The following KMT5B variants were observed in gnomAD, a reference collection of about 807,000 sequenced individuals.
KMT5B encodes the protein lysine methyltransferase 5B.
Under a neutral mutation model 83.2 loss-of-function variants are expected in KMT5B, and 10 were observed. The ratio of observed to expected loss-of-function variants is 0.12; its 90% CI spans 0.07 to 0.20. KMT5B has a LOEUF of 0.20. Ranked by LOEUF, KMT5B falls within the 10% of genes least tolerant of loss-of-function variation. The pLI is 1.00. For missense variants in KMT5B, 753 were observed against 1,067.2 expected (o/e 0.71, Z 4.10); for synonymous variants, 349 against 388.8 (o/e 0.90, Z 1.20).
At chr11:68,170,528 G>C (rs578060814) in intron 9 of KMT5B, among the ~76,000 whole-genome samples, 8 of 152,294 alleles carry the variant, frequency 5.3e-5, no homozygotes, top group Middle Eastern at 3.4e-3. Flanking sequence ...TTTCTGTAAA[G>C]ACTCCAGGAC....
intron 1 of KMT5B, among the ~76,000 whole-genome samples, chr11:68,209,673 A>G (rs1565268430): frequency 2.6e-5 from 4 of 152,168 alleles, no homozygotes; most frequent in Admixed American, 6.5e-5. Context: ...TATTAGCACT[A>G]CAACAAGGAG....
At chr11:68,183,074 A>G (rs761020760) in intron 3 of KMT5B, among the ~76,000 whole-genome samples, 2 of 152,106 alleles carry the variant, frequency 1.3e-5, no homozygotes, top group Non-Finnish European at 2.9e-5. Flanking sequence ...ATATGCTTCC[A>G]TATCTTGGTA....
intron 1 of KMT5B, among the ~76,000 whole-genome samples, chr11:68,196,557 TA>T (rs201724866): frequency 0.012 from 1,881 of 150,700 alleles, 39 homozygotes; most frequent in African/African-American, 0.04. Flanking sequence ...ATTTCTGCAT[TA>T]AAAAAAACTG....
chr11:68,182,423 G>A (rs537933258), intron 3 of KMT5B, among the ~76,000 whole-genome samples: 67 of 152,268 alleles, frequency 4.4e-4, no homozygotes, highest in South Asian at 8.3e-4. Context: ...ATTATAAGAA[G>A]CAATGGTATA....
rs1334354509 is a variant in KMT5B, at chr11:68,171,317, G to A, written c.821-66C>T. 2.8e-5 allele frequency: 44 copies of A among 1,561,454 alleles called. No individual in the cohort carries two copies. The highest frequency in any genetic ancestry group is 3.9e-5 in the Non-Finnish European group (44 of 1,141,514). On this transcript the variant is annotated intron_variant, in intron 7 of 10. Transcript: ENST00000304363. The surrounding 1 kb of genome is among the most constrained non-coding windows in gnomAD (Gnocchi z 5.1). ...AAGATCTGAAACACGAACAATTATA[G>A]AAATCTGAAATAAGCTTTCCATATA...
In KMT5B at chr11:68,201,205, C is replaced by G. The variant is rs141358483; in HGVS notation, c.-76-11053G>C. ...CACCACCACCAGCACCACCACAATG[C>G]ATTCCAAATCACCAGTGCTACCGTT... On this transcript the variant is annotated intron_variant, in intron 1 of 10. Coordinates refer to ENST00000304363, the MANE Select transcript of KMT5B (RefSeq NM_017635.5). Among the ~76,000 whole-genome samples the G allele has an allele frequency of 2.5e-4, 38 of 152,350 alleles. 1 individual carries two copies. The highest frequency in any genetic ancestry group is 8.4e-4 in the African/African-American group (35 of 41,570).
chr11:68,212,221 C>T (rs891053995), intron 1 of KMT5B, among the ~76,000 whole-genome samples: 2 of 152,204 alleles, frequency 1.3e-5, no homozygotes, highest in Admixed American at 1.3e-4. Context: ...CTCAACTACA[C>T]TTTATATCAA....
intron 10 of KMT5B, among the ~76,000 whole-genome samples, chr11:68,164,066 G>A (rs1855087364): frequency 6.6e-6 from 1 of 152,088 alleles, no homozygotes; most frequent in African/African-American, 2.4e-5. Context: ...CAGTCAGCGA[G>A]GCATAAGAGG....
At chr11:68,164,658 C>T (rs1197835025) in intron 10 of KMT5B, 2 of 514,452 alleles carry the variant, frequency 3.9e-6, no homozygotes, top group Admixed American at 2.0e-5. Context: ...TCATACTGAT[C>T]CTTGGATTGC....
intron 1 of KMT5B, among the ~76,000 whole-genome samples, chr11:68,210,811 T>C (rs905101975): frequency 4.2e-4 from 64 of 152,138 alleles, no homozygotes; most frequent in African/African-American, 1.3e-3. Context: ...GTGAGGAAGA[T>C]TCTTAACCAT....
chr11:68,166,592 C>G, intron 10 of KMT5B: 2 of 1,006,888 alleles, frequency 2.0e-6, no homozygotes, highest in South Asian at 4.4e-5. Flanking sequence ...TCTTTTCTAA[C>G]AAACTGGCTA....
At chr11:68,192,192 T>C (rs183040859) in intron 1 of KMT5B, among the ~76,000 whole-genome samples, 1 of 152,358 alleles carries the variant, frequency 6.6e-6, no homozygotes, top group East Asian at 1.9e-4. Context: ...ACACACTCTA[T>C]GAGTGCACTC....
intron 1 of KMT5B, among the ~76,000 whole-genome samples, chr11:68,211,929 G>A (rs895251190): frequency 6.6e-6 from 1 of 152,214 alleles, no homozygotes; most frequent in African/African-American, 2.4e-5. Flanking sequence ...CGCTCCAAGA[G>A]GGACAGGGCC....
At chr11:68,201,959 C>T (rs1018848271) in intron 1 of KMT5B, among the ~76,000 whole-genome samples, 5 of 149,592 alleles carry the variant, frequency 3.3e-5, no homozygotes, top group South Asian at 4.3e-4. Context: ...TGTGGTGGTG[C>T]GTGCTTGTAG....
At chr11:68,182,856 C>T (rs961919466) in intron 3 of KMT5B, among the ~76,000 whole-genome samples, 1 of 151,896 alleles carries the variant, frequency 6.6e-6, no homozygotes, top group African/African-American at 2.4e-5. Context: ...CCTGCCTCGG[C>T]CTCCTGAGTA....
At chr11:68,207,868 C>T (rs1344423605) in intron 1 of KMT5B, among the ~76,000 whole-genome samples, 1 of 150,236 alleles carries the variant, frequency 6.7e-6, no homozygotes, top group East Asian at 2.0e-4. Flanking sequence ...TAGACGCTGT[C>T]TCGCTCTATT....
chr11:68,208,407 C>G (rs572238959), intron 1 of KMT5B, among the ~76,000 whole-genome samples: 1 of 151,978 alleles, frequency 6.6e-6, no homozygotes, highest in South Asian at 2.1e-4. Context: ...GAGCCAAGAT[C>G]GCGCCACTGC....
intron 1 of KMT5B, among the ~76,000 whole-genome samples, chr11:68,196,308 T>A (rs1307834819): frequency 6.6e-6 from 1 of 152,008 alleles, no homozygotes; most frequent in Non-Finnish European, 1.5e-5. Context: ...CTCTAGGAAG[T>A]GTTCCTTGAC....
Position 68,185,892 on chromosome 11 carries a change from T to C in KMT5B, c.197A>G (p.Tyr66Cys), listed in dbSNP as rs1314322717. 6 of 1,611,652 alleles carry C rather than the reference T, an allele frequency of 3.7e-6. No individual in the cohort carries two copies. The African/African-American group carries it at 6.7e-5, about 18-fold the overall frequency. ...GGCGGACATTCCAGAGGATGGTACATAGCGACTCTGTCCTTCAAATCCCGA... is the reference window on the plus strand; with the variant it reads ...GGCGGACATTCCAGAGGATGGTACACAGCGACTCTGTCCTTCAAATCCCGA... ...GNSGFEGQSR[Y>C]VPSSGMSAKE... The change falls in exon 3 of 11, where the codon TAT (tyrosine) becomes TGT (cysteine). Residue 66 changes from tyrosine to cysteine, a missense_variant. By Grantham distance (194) the Tyr-to-Cys change is radical. This residue lies in a region of KMT5B where 56 missense variants were observed against 91.4 expected (regional missense o/e 0.61). Transcript: ENST00000304363.
Sources: gnomAD v4.1 joint callset for allele counts (sites outside exome capture counted in the v4.1 genomes callset) on GRCh38, gnomAD v4.1.1 for gene constraint, gnomAD v4.1.1 regional missense constraint, Gnocchi (gnomAD v3.1) non-coding constraint, MANE v1.5 for transcripts, NCBI Gene and HGNC (gene_info 2026-07-23, HGNC 2026-07-21) for gene names.